Variants in ADAMTSL2 observed in about 807,000 individuals in gnomAD.
ADAMTSL2 encodes the protein ADAMTS like 2.
In ADAMTSL2, 55 loss-of-function variants were observed where a neutral mutation model predicts 117.0. The observed-to-expected ratio is 0.47, with a 90% CI of 0.38 to 0.59. The LOEUF (loss-of-function observed/expected upper bound fraction) is 0.59. Ranked by LOEUF, ADAMTSL2 falls within the 20% of genes least tolerant of loss-of-function variation. The pLI, the probability that ADAMTSL2 is intolerant of heterozygous loss-of-function variation, is 0.00. For synonymous variants in ADAMTSL2, 572 were observed against 566.4 expected (o/e 1.01, Z -0.14); for missense variants, 1,182 against 1,354.5 (o/e 0.87, Z 2.00).
At chr9:133,539,037 G>A (rs776087162) in intron 4 of ADAMTSL2, among the ~76,000 whole-genome samples, 4 of 152,236 alleles carry the variant, frequency 2.6e-5, no homozygotes, top group Admixed American at 6.5e-5. Flanking sequence ...CGTGTGGCTT[G>A]CCTGGGCAGG....
Position 133,557,855 on chromosome 9 carries a change from T to G in ADAMTSL2, c.1649+1925T>G, listed in dbSNP as rs1013627181. Among the ~76,000 whole-genome samples, 1 of 152,058 alleles carries G rather than the reference T, an allele frequency of 6.6e-6. No homozygotes were observed. The highest frequency in any genetic ancestry group is 2.4e-5 in the African/African-American group (1 of 41,382). ...TCCAAATAGAATAGGTTTATCAGAG[T>G]GGCACCGAGGCCTCGCTGTGGAATT... is the stretch of plus-strand genomic sequence containing the variant. On this transcript the variant is annotated intron_variant, in intron 11 of 18. Transcript: ENST00000651351. The surrounding 1 kb of genome is among the most constrained non-coding windows in gnomAD (Gnocchi z 5.2).
At chr9:133,568,834 T>C in intron 15 of ADAMTSL2, 76 bp downstream of exon 15, 2 of 1,586,398 alleles carry the variant, frequency 1.3e-6, no homozygotes, top group South Asian at 2.2e-5. Context: ...TGTGCCTCAG[T>C]TTCCATTTTT....
chr9:133,572,507 A>G (rs1008343903), intron 17 of ADAMTSL2, among the ~76,000 whole-genome samples: 26 of 152,176 alleles, frequency 1.7e-4, no homozygotes, highest in African/African-American at 6.3e-4. Flanking sequence ...CCAGGGAGCC[A>G]GCCCAGGTCT....
In ADAMTSL2 at chr9:133,554,410, G is replaced by A. The variant is rs1830555504; in HGVS notation, c.993G>A (p.Leu331=). Reference sequence around the variant, plus strand: ...CCATCACCTTCGAGTACACGCTGCTGCAGCCGCCACACGAGAGCCGCCCCC... The same window carrying A: ...CCATCACCTTCGAGTACACGCTGCTACAGCCGCCACACGAGAGCCGCCCCC... The part of the protein sequence containing the change: ...SPSITFEYTL[L]QPPHESRPQP... The change falls in exon 10 of 19, where the codon CTG becomes CTA. Residue 331 remains leucine, a synonymous_variant. Coordinates refer to ENST00000651351, the MANE Select transcript of ADAMTSL2 (RefSeq NM_014694.4). This position sits in a 1 kb window ranked among gnomAD's most constrained non-coding sequence, Gnocchi z 5.2. 3 of 1,561,806 alleles carry A rather than the reference G, an allele frequency of 1.9e-6. No homozygotes were observed. The highest frequency in any genetic ancestry group is 2.3e-5 in the East Asian group (1 of 42,708).
Position 133,568,660 on chromosome 9 carries a change from G to A in ADAMTSL2, c.2146G>A (p.Asp716Asn). 5.0e-6 allele frequency: 8 copies of A among 1,613,474 alleles called. No individual in the cohort carries two copies. The highest frequency in any genetic ancestry group is 6.8e-6 in the Non-Finnish European group (8 of 1,180,002). Residue 716 changes from aspartate (D) to asparagine (N), a missense_variant, in exon 15 of 19, where the codon GAT becomes AAT. By Grantham distance (23) the Asp-to-Asn change is conservative. This residue lies in a region of ADAMTSL2 where 465 missense variants were observed against 565.3 expected (regional missense o/e 0.82). Transcript: ENST00000651351. ...VVTRDIRCSEDEKLCDPNTRP... is the reference protein window; with the variant it reads ...VVTRDIRCSENEKLCDPNTRP... ...GACCAGGGACATCCGCTGCTCGGAG[G>A]ATGAGAAGCTGTGTGACCCCAACAC...
chr9:133,552,224 A>G (rs372031476), intron 9 of ADAMTSL2, among the ~76,000 whole-genome samples: 3 of 152,268 alleles, frequency 2.0e-5, no homozygotes, highest in South Asian at 2.1e-4. Context: ...GGTGGAGGGT[A>G]TGAGATGCTG....
chr9:133,555,918 C>G lies in ADAMTSL2; in HGVS notation c.1637C>G (p.Thr546Ser). 2.5e-6 allele frequency: 4 copies of G among 1,612,048 alleles called. No individual in the cohort carries two copies. In the South Asian group the frequency reaches 4.4e-5, roughly 18 times the overall value. Residue 546 changes from threonine to serine, a missense_variant, in exon 11 of 19, where the codon ACT (threonine) becomes AGT (serine). Thr to Ser is a moderately conservative substitution (Grantham distance 58). Around this residue, in one of 3 missense-constraint regions of ADAMTSL2, gnomAD observed 345 missense variants for 325.8 expected, o/e 1.06. Coordinates refer to ENST00000651351, the MANE Select transcript of ADAMTSL2 (RefSeq NM_014694.4). ...CTGCTCACCTCGGCCGGGAACAGGA[C>G]TCACAAGGCCAGGTAGGAGGCACTT... Reference protein sequence around the residue: ...TSLLTSAGNRTHKARTRPKAR... With the variant: ...TSLLTSAGNRSHKARTRPKAR...
At position 133,536,776 on chromosome 9, in the gene ADAMTSL2, G is replaced by A. The variant is rs1399670823; in HGVS notation, c.64G>A (p.Gly22Arg). Residue 22 changes from glycine to arginine, a missense_variant, in exon 2 of 19, where the codon GGG becomes AGG. Physicochemically the swap from Gly to Arg is moderately radical, Grantham distance 125. This residue lies in a region of ADAMTSL2 where 372 missense variants were observed against 463.4 expected (regional missense o/e 0.80). Coordinates refer to ENST00000651351, the MANE Select transcript of ADAMTSL2 (RefSeq NM_014694.4). ...CCTGCTGGTTCTGGCAGTTGTAGCT[G>A]GGGACACAGTGTCAACCGGGTCCAC... ...WFLLVLAVVA[G>R]DTVSTGSTDN... 7 of 1,614,170 alleles carry A rather than the reference G, an allele frequency of 4.3e-6. No homozygotes were observed. Among genetic ancestry groups the A allele is most frequent in the Non-Finnish European group, 5.9e-6 (7 of 1,180,022 alleles).
At chr9:133,548,760 G>T (rs541957450) in intron 9 of ADAMTSL2, among the ~76,000 whole-genome samples, 1 of 152,270 alleles carries the variant, frequency 6.6e-6, no homozygotes, top group African/African-American at 2.4e-5. Context: ...CTGGGGTGGG[G>T]CACAGCTGTG....
Position 133,568,430 on chromosome 9 carries a change from A to G in ADAMTSL2, c.2032A>G (p.Lys678Glu), listed in dbSNP as rs2131180285. 6.2e-7 allele frequency: 1 copy of G among 1,609,286 alleles called. No homozygotes were observed. Among genetic ancestry groups the G allele is most frequent in the East Asian group, 2.2e-5 (1 of 44,678 alleles). ...AAEAVRPEER[K>E]TCRNPACGPQ... Reference sequence around the variant, plus strand: ...CGAGGCCGTGCGGCCCGAGGAACGCAAGACCTGCCGGAACCCCGCCTGCGG... The same window carrying G: ...CGAGGCCGTGCGGCCCGAGGAACGCGAGACCTGCCGGAACCCCGCCTGCGG... The change falls in exon 14 of 19, where the codon AAG becomes GAG. Residue 678 changes from lysine to glutamate, a missense_variant. This residue lies in a region of ADAMTSL2 where 465 missense variants were observed against 565.3 expected (regional missense o/e 0.82). Transcript: ENST00000651351.
intron 12 of ADAMTSL2, among the ~76,000 whole-genome samples, chr9:133,561,908 C>T (rs1274301080): frequency 2.6e-5 from 4 of 152,168 alleles, no homozygotes; most frequent in Admixed American, 1.3e-4. Context: ...CCTCTGCTGC[C>T]CACTCTAGTA....
At chr9:133,574,671 G>T (rs1338576883) in intron 18 of ADAMTSL2, 75 bp from the exon 19 acceptor site, 1 of 1,321,752 alleles carries the variant, frequency 7.6e-7, no homozygotes, top group Non-Finnish European at 1.1e-6. Flanking sequence ...AAAACGGCAC[G>T]TGGGGGTCCC....
chr9:133,556,020 G>T, intron 11 of ADAMTSL2, 90 bp downstream of exon 11: 3 of 1,525,072 alleles, frequency 2.0e-6, no homozygotes, highest in African/African-American at 1.4e-5. Context: ...CACTGGGGGG[G>T]TCTGGCCAGA....
chr9:133,534,801 C>G lies in ADAMTSL2; in HGVS notation c.-267C>G, dbSNP rs771268711. On this transcript the variant is annotated 5_prime_UTR_variant, in exon 1 of 19. Transcript: ENST00000651351. The stretch of plus-strand genomic sequence containing the variant: ...GGAGGAGGGGAAGGGGAGAGGGAGG[C>G]CGGGCCGCAGCCTCTGCACTCACGC... 1 of 1,485,990 alleles carries G rather than the reference C, an allele frequency of 6.7e-7. No homozygotes were observed. Among genetic ancestry groups the G allele is most frequent in the Admixed American group, 2.3e-5 (1 of 44,408 alleles). The allele number at this position is 1,485,990 out of a possible 1,614,324, so 92.1% of individuals were successfully genotyped here.
At chr9:133,539,677 G>GTCCCGGCTGTCCCGGCTT in intron 4 of ADAMTSL2, 94 bp from the exon 5 acceptor site, 1 of 1,313,512 alleles carries the variant, frequency 7.6e-7, no homozygotes, top group Non-Finnish European at 1.1e-6. Flanking sequence ...TGTCCCGGCT[G>GTCCCGGCTGTCCCGGCTT]TCCCGGCTGC....
At chr9:133,543,638 C>T (rs1830277679) in intron 7 of ADAMTSL2, among the ~76,000 whole-genome samples, 1 of 152,230 alleles carries the variant, frequency 6.6e-6, no homozygotes, top group South Asian at 2.1e-4. Flanking sequence ...AGGAGACACT[C>T]ACCCCAGCAG....
At position 133,569,547 on chromosome 9, in the gene ADAMTSL2, C is replaced by G; in HGVS notation, c.2384C>G (p.Pro795Arg). ...AIHPCGDKNC[P>R]AHWLAQDWER... ...CACCCCTGTGGGGACAAAAACTGTC[C>G]CGCCCACTGGCTGGCCCAGGACTGG... The change falls in exon 16 of 19, where the codon CCC becomes CGC. Residue 795 changes from proline to arginine, a missense_variant. Physicochemically the swap from Pro to Arg is moderately radical, Grantham distance 103 (BLOSUM62 -2). Transcript: ENST00000651351. 1 of 1,593,752 alleles carries G rather than the reference C, an allele frequency of 6.3e-7. No individual in the cohort carries two copies. Among genetic ancestry groups the G allele is most frequent in the Non-Finnish European group, 8.5e-7 (1 of 1,169,600 alleles).
chr9:133,554,946 G>A lies in ADAMTSL2; in HGVS notation c.1276+253G>A, dbSNP rs1830571354. On this transcript the variant is annotated intron_variant, in intron 10 of 18. Transcript: ENST00000651351. This position sits in a 1 kb window ranked among gnomAD's most constrained non-coding sequence, Gnocchi z 5.2. ...GGAGACTGAGGCTTAGAAAGAGGAA[G>A]TGGCTTGGCCAAGTCATGCAGTCCA... Among the ~76,000 whole-genome samples the A allele has an allele frequency of 6.6e-6, 1 of 152,186 alleles. No homozygotes were observed. Among genetic ancestry groups the A allele is most frequent in the Non-Finnish European group, 1.5e-5 (1 of 68,030 alleles).
chr9:133,567,566 G>A (rs1831004241), intron 13 of ADAMTSL2, among the ~76,000 whole-genome samples: 2 of 152,256 alleles, frequency 1.3e-5, no homozygotes, highest in South Asian at 4.2e-4. Flanking sequence ...TGAGGGTGCC[G>A]GCCTCCCCCG....
Sources: gnomAD v4.1 joint callset for allele counts (sites outside exome capture counted in the v4.1 genomes callset) on GRCh38, gnomAD v4.1.1 for gene constraint, gnomAD v4.1.1 regional missense constraint, Gnocchi (gnomAD v3.1) non-coding constraint, MANE v1.5 for transcripts, NCBI Gene and HGNC (gene_info 2026-07-23, HGNC 2026-07-21) for gene names.